LCN6: variants seen among roughly 807,000 people sequenced by gnomAD.
LCN6 encodes lipocalin 6, also known as epididymal-specific lipocalin-6.
LCN6 carries 20 observed loss-of-function variants against 21.4 expected under a neutral mutation model. The ratio of observed to expected loss-of-function variants is 0.93; its 90% CI spans 0.66 to 1.36. LCN6 has a LOEUF of 1.36. Ranked by LOEUF, LCN6 falls within the 40% of genes most tolerant of loss-of-function variation. LCN6 has a pLI of 0.00. For missense variants in LCN6, 217 were observed against 206.6 expected, an observed-to-expected ratio of 1.05 and a Z score of -0.31; for synonymous variants, 96 against 89.0, an observed-to-expected ratio of 1.08 and a Z score of -0.44.
rs769971649 is a variant in LCN6, at chr9:136,745,181, A to G, written c.401T>C (p.Val134Ala). ...LEFGDEPFNT[V>A]ELYSLTETAS... ...CACAGCACACTTACTGTACAGCTCC[A>G]CGGTGTTGAAGGGCTCGTCCCCGAA... The change falls in exon 4 of 7, where the codon GTG (valine) becomes GCG (alanine). Residue 134 changes from valine (V) to alanine (A), a missense_variant. Val to Ala is a moderately conservative substitution (Grantham distance 64). Transcript: ENST00000341206. 1 of 1,609,964 alleles carries G rather than the reference A, an allele frequency of 6.2e-7. No homozygotes were observed. The highest frequency in any genetic ancestry group is 8.5e-7 in the Non-Finnish European group (1 of 1,176,604).
rs1588302500 is a variant in LCN6, at chr9:136,747,568, A to G, written c.91-5T>C. On this transcript the variant is annotated splice_polypyrimidine_tract_variant and splice_region_variant and intron_variant, in intron 1 of 6. Coordinates refer to ENST00000341206, the MANE Select transcript of LCN6 (RefSeq NM_198946.3). ...CACGTACCAGGGCCCAAGAAGCTGC[A>G]TTGAGGCGGCTCCCGTTAGGGCCGC... 1.9e-6 allele frequency: 3 copies of G among 1,608,858 alleles called. No individual in the cohort carries two copies. Among genetic ancestry groups the G allele is most frequent in the Non-Finnish European group, 2.5e-6 (3 of 1,179,692 alleles).
intron 3 of LCN6, 64 bp from the exon 4 acceptor site, chr9:136,745,344 G>A: frequency 8.9e-7 from 1 of 1,123,056 alleles, no homozygotes; most frequent in Non-Finnish European, 1.4e-6. Context: ...GGGCCGCTGA[G>A]CTGATGCTGG....
At chr9:136,746,101 C>T (rs1242114485) in intron 2 of LCN6, 187 bp from the exon 3 acceptor site, 14 of 603,196 alleles carry the variant, frequency 2.3e-5, no homozygotes, top group African/African-American at 3.7e-5. Context: ...CTGAGAGGGG[C>T]GGACACTCCC....
Position 136,745,195 on chromosome 9 carries a change from C to T in LCN6, c.387G>A (p.Glu129=). Residue 129 remains glutamate (E), a synonymous_variant, in exon 4 of 7, where the codon GAG becomes GAA. Coordinates refer to ENST00000341206, the MANE Select transcript of LCN6 (RefSeq NM_198946.3). The part of the protein sequence containing the change: ...IIFTQLEFGD[E]PFNTVELYSL... Reference sequence around the variant, plus strand: ...TGTACAGCTCCACGGTGTTGAAGGGCTCGTCCCCGAACTCCAGCTGAGTGA... The same window carrying T: ...TGTACAGCTCCACGGTGTTGAAGGGTTCGTCCCCGAACTCCAGCTGAGTGA... 1 of 1,613,234 alleles carries T rather than the reference C, an allele frequency of 6.2e-7. No homozygotes were observed. Among genetic ancestry groups the T allele is most frequent in the South Asian group, 1.1e-5 (1 of 91,078 alleles).
intron 3 of LCN6, chr9:136,745,506 A>G (rs2811727): frequency 0.52 from 301,267 of 576,608 alleles, 81,789 homozygotes; most frequent in East Asian, 0.74. Flanking sequence ...ACAGACAGAC[A>G]AGCACTGCCC....
At position 136,744,484 on chromosome 9, in the gene LCN6, G is replaced by T; in HGVS notation, c.*23-120C>A. The T allele has an allele frequency of 1.8e-6, 1 of 541,032 alleles. No individual in the cohort carries two copies. Among genetic ancestry groups the T allele is most frequent in the South Asian group, 2.6e-5 (1 of 38,090 alleles). The allele number at this position is 541,032 out of a possible 1,614,324, so 33.5% of individuals were successfully genotyped here. A position where few individuals can be genotyped will look rare whatever the true frequency, so the allele number is the denominator to read the frequency against. On this transcript the variant is annotated intron_variant, in intron 5 of 6. Coordinates refer to ENST00000341206, the MANE Select transcript of LCN6 (RefSeq NM_198946.3). This position sits in a 1 kb window ranked among gnomAD's most constrained non-coding sequence, Gnocchi z 4.2. ...CCCCCAGGCCTGACTTTGGGCAGGG[G>T]CAGGTGAAGACCCCCTCAGCCTGCC...
At chr9:136,747,621 T>A in intron 1 of LCN6, 58 bp from the exon 2 acceptor site, 1 of 1,497,230 alleles carries the variant, frequency 6.7e-7, no homozygotes, top group Non-Finnish European at 8.8e-7. Flanking sequence ...GCCTCCAGCC[T>A]CCAACCCTCC....
chr9:136,744,792 G>T lies in LCN6; in HGVS notation c.413-51C>A. ...GGAAGCAACCTCTGAGAGCTGGGGA[G>T]GGGCCGGGGAGGGGCTGGGAAGGGT... On this transcript the variant is annotated intron_variant, in intron 4 of 6. Coordinates refer to ENST00000341206, the MANE Select transcript of LCN6 (RefSeq NM_198946.3). This position sits in a 1 kb window ranked among gnomAD's most constrained non-coding sequence, Gnocchi z 4.2. 1 of 1,340,724 alleles carries T rather than the reference G, an allele frequency of 7.5e-7. No homozygotes were observed. Among genetic ancestry groups the T allele is most frequent in the South Asian group, 1.2e-5 (1 of 82,468 alleles). The allele number at this position is 1,340,724 out of a possible 1,614,324, so 83.1% of individuals were successfully genotyped here. A position where few individuals can be genotyped will look rare whatever the true frequency, so the allele number is the denominator to read the frequency against.
intron 1 of LCN6, among the ~76,000 whole-genome samples, chr9:136,748,153 C>G (rs1245648825): frequency 2.6e-5 from 4 of 151,814 alleles, no homozygotes; most frequent in Non-Finnish European, 4.4e-5. Context: ...CCTACACCCT[C>G]CAGCCCTGCA....
chr9:136,747,452 T>A lies in LCN6; in HGVS notation c.202A>T (p.Asn68Tyr). 1 of 1,613,618 alleles carries A rather than the reference T, an allele frequency of 6.2e-7. No homozygotes were observed. The change falls in exon 2 of 7, where the codon AAC becomes TAC. Residue 68 changes from asparagine to tyrosine, a missense_variant. Coordinates refer to ENST00000341206, the MANE Select transcript of LCN6 (RefSeq NM_198946.3). ...TGCTGAGAGGACAGCGTCCGCAGGTTGTTTTCTGGAGTGAGGGTCACCACC... is the reference window on the plus strand; with the variant it reads ...TGCTGAGAGGACAGCGTCCGCAGGTAGTTTTCTGGAGTGAGGGTCACCACC... ...GVVVTLTPEN[N>Y]LRTLSSQHGL...
intron 2 of LCN6, chr9:136,747,028 G>A (rs1272874662): frequency 5.9e-6 from 1 of 168,760 alleles, no homozygotes; most frequent in Admixed American, 6.1e-5. Context: ...TTTATGTTAT[G>A]AAAGAACCAG....
chr9:136,744,898 G>A lies in LCN6; in HGVS notation c.413-157C>T, dbSNP rs1354290904. On this transcript the variant is annotated intron_variant, in intron 4 of 6. Transcript: ENST00000341206. This position sits in a 1 kb window ranked among gnomAD's most constrained non-coding sequence, Gnocchi z 4.2. Reference sequence around the variant, plus strand: ...CCAGTGCAGCGAGCCTCAAGGTGGGGGAACTTGGCCTGCATGTGGTCCTGT... The same window carrying A: ...CCAGTGCAGCGAGCCTCAAGGTGGGAGAACTTGGCCTGCATGTGGTCCTGT... 6.6e-6 allele frequency among the ~76,000 whole-genome samples: 1 copy of A among 152,088 alleles called. No individual in the cohort carries two copies. The highest frequency in any genetic ancestry group is 2.4e-5 in the African/African-American group (1 of 41,384).
At position 136,745,888 on chromosome 9, in the gene LCN6, A is replaced by G. The variant is rs774127466; in HGVS notation, c.257T>C (p.Met86Thr). ...HGLGGCDQSV[M>T]DLIKRNSGWV... ...TCCGGAGTTTCGCTTTATCAGGTCC[A>G]TGACACTCTGGTCACACCCTCCCAG... is the stretch of plus-strand genomic sequence containing the variant. The change falls in exon 3 of 7, where the codon ATG (methionine) becomes ACG (threonine). Residue 86 changes from methionine to threonine, a missense_variant. Met to Thr is a moderately conservative substitution (Grantham distance 81). Coordinates refer to ENST00000341206, the MANE Select transcript of LCN6 (RefSeq NM_198946.3). 3 of 1,613,720 alleles carry G rather than the reference A, an allele frequency of 1.9e-6. No individual in the cohort carries two copies. Among genetic ancestry groups the G allele is most frequent in the South Asian group, 1.1e-5 (1 of 91,074 alleles).
rs1847007892 is a variant in LCN6 at position 136,744,609 on chromosome 9, C to T, written c.*22+31G>A. On this transcript the variant is annotated intron_variant, in intron 5 of 6. Coordinates refer to ENST00000341206, the MANE Select transcript of LCN6 (RefSeq NM_198946.3). The surrounding 1 kb of genome is among the most constrained non-coding windows in gnomAD (Gnocchi z 4.2). ...GTGGGCTCCAGAACTTGCCCCAAGC[C>T]TCCCCCGAGGCTGCTCCGGTGGACA... 34 of 1,450,236 alleles carry T rather than the reference C, an allele frequency of 2.3e-5. No homozygotes were observed. The highest frequency in any genetic ancestry group is 3.2e-5 in the Non-Finnish European group (33 of 1,044,848). The allele number at this position is 1,450,236 out of a possible 1,614,324, so 89.8% of individuals were successfully genotyped here. A position where few individuals can be genotyped will look rare whatever the true frequency, so the allele number is the denominator to read the frequency against.
intron 2 of LCN6, among the ~76,000 whole-genome samples, chr9:136,746,537 A>G (rs1847040938): frequency 6.6e-6 from 1 of 152,136 alleles, no homozygotes; most frequent in African/African-American, 2.4e-5. Flanking sequence ...AGGAACAGCA[A>G]GAAGAACTAG....
intron 2 of LCN6, 156 bp from the exon 3 acceptor site, chr9:136,746,070 A>T: frequency 1.5e-6 from 1 of 658,664 alleles, no homozygotes; most frequent in Non-Finnish European, 2.7e-6. Flanking sequence ...CTGTTCTCGG[A>T]GAGTGGACGG....
chr9:136,745,382 T>A (rs1847023733), intron 3 of LCN6, 102 bp from the exon 4 acceptor site: 2 of 785,242 alleles, frequency 2.5e-6, no homozygotes, highest in Middle Eastern at 2.5e-4. Context: ...CCAATTCAAG[T>A]GAGAGCCCCC....
At position 136,744,571 on chromosome 9, in the gene LCN6, C is replaced by T; in HGVS notation, c.*22+69G>A. The T allele has an allele frequency of 1.0e-6, 1 of 962,122 alleles. No individual in the cohort carries two copies. The highest frequency in any genetic ancestry group is 1.5e-5 in the South Asian group (1 of 68,814). The allele number at this position is 962,122 out of a possible 1,614,324, so 59.6% of individuals were successfully genotyped here. On this transcript the variant is annotated intron_variant, in intron 5 of 6. Coordinates refer to ENST00000341206, the MANE Select transcript of LCN6 (RefSeq NM_198946.3). This position sits in a 1 kb window ranked among gnomAD's most constrained non-coding sequence, Gnocchi z 4.2. ...GAATCAACCCCAGGGTCTCTGTCACCCCATCACGCCCTGTGGGCTCCAGAA... is the reference window on the plus strand; with the variant it reads ...GAATCAACCCCAGGGTCTCTGTCACTCCATCACGCCCTGTGGGCTCCAGAA...
intron 2 of LCN6, among the ~76,000 whole-genome samples, chr9:136,747,174 T>C (rs965539821): frequency 6.6e-6 from 1 of 151,954 alleles, no homozygotes; most frequent in Non-Finnish European, 1.5e-5. Flanking sequence ...TGAAGGAGCA[T>C]AGTCAGAGCA....
Sources: allele counts gnomAD v4.1 joint callset (sites outside exome capture counted in the v4.1 genomes callset), GRCh38; gene constraint gnomAD v4.1.1; non-coding constraint Gnocchi (gnomAD v3.1); transcripts MANE v1.5; gene names NCBI Gene and HGNC (gene_info 2026-07-23, HGNC 2026-07-21).